Variants in ARHGEF3 observed in about 807,000 individuals in gnomAD.
ARHGEF3 encodes the protein Rho guanine nucleotide exchange factor 3.
A neutral mutation model predicts 63.2 loss-of-function variants in ARHGEF3; 28 were observed. The observed-to-expected ratio is 0.44, with a 90% CI of 0.33 to 0.61. The LOEUF is 0.61. Ranked by LOEUF, ARHGEF3 falls within the 20% of genes least tolerant of loss-of-function variation. The pLI is 0.03. For missense variants in ARHGEF3, 533 were observed against 659.3 expected (o/e 0.81, Z 2.10); for synonymous variants, 266 against 254.2 (o/e 1.05, Z -0.44).
chr3:56,732,277 C>G lies in ARHGEF3; in HGVS notation c.1189G>C (p.Gly397Arg), dbSNP rs756340237. 3 of 1,614,156 alleles carry G rather than the reference C, an allele frequency of 1.9e-6. No individual in the cohort carries two copies. Among genetic ancestry groups the G allele is most frequent in the East Asian group, 2.2e-5 (1 of 44,862 alleles). ...EDLQDGEVRLGGSLRGAFSNN... is the reference protein window; with the variant it reads ...EDLQDGEVRLRGSLRGAFSNN... ...CTGAATGCCCCTCGCAGGGAGCCAC[C>G]CAGCCTCACTTCTCCATCCTGGAGG... is the stretch of plus-strand genomic sequence containing the variant. Residue 397 changes from glycine (G) to arginine (R), a missense_variant, in exon 9 of 10, where the codon GGT (glycine) becomes CGT (arginine). This residue lies in a region of ARHGEF3 where 151 missense variants were observed against 190.7 expected (regional missense o/e 0.79). Transcript: ENST00000296315.
chr3:56,995,627 G>C lies in ARHGEF3; in HGVS notation c.63-36738C>G, dbSNP rs1171849922. On this transcript the variant is annotated intron_variant, in intron 2 of 12. Coordinates refer to the ARHGEF3 transcript ENST00000338458. ...AAAAGAGAGTAAATTTTCCGAGAGAGAGAGAGAGAGAGAGAGAGAGAGAGA... is the reference window on the plus strand; with the variant it reads ...AAAAGAGAGTAAATTTTCCGAGAGACAGAGAGAGAGAGAGAGAGAGAGAGA... Among the ~76,000 whole-genome samples, 73 of 32,312 alleles carry C rather than the reference G, an allele frequency of 2.3e-3. 1 individual carries two copies. Among genetic ancestry groups the C allele is most frequent in the African/African-American group, 4.9e-3 (69 of 14,034 alleles). The allele number at this position is 32,312 out of a possible 152,430, so 21.2% of individuals were successfully genotyped here. A position where few individuals can be genotyped will look rare whatever the true frequency, so the allele number is the denominator to read the frequency against.
At chr3:57,059,383 T>TA (rs200082180) in intron 1 of ARHGEF3, among the ~76,000 whole-genome samples, 34 of 147,060 alleles carry the variant, frequency 2.3e-4, no homozygotes, top group Non-Finnish European at 2.3e-4. Context: ...GCTGATGAAC[T>TA]AAAAAAAAAA....
intron 2 of ARHGEF3, among the ~76,000 whole-genome samples, chr3:56,966,331 G>T (rs968229933): frequency 2.0e-5 from 3 of 152,242 alleles, no homozygotes; most frequent in Non-Finnish European, 4.4e-5. Context: ...CCCTGGAAGG[G>T]CACAGCCCAA....
chr3:57,055,309 A>T (rs1704873891), intron 1 of ARHGEF3, among the ~76,000 whole-genome samples: 1 of 151,784 alleles, frequency 6.6e-6, no homozygotes, highest in Non-Finnish European at 1.5e-5. Context: ...CTACAGGCGC[A>T]TGCCACCAAG....
chr3:56,729,506 C>G lies in ARHGEF3; in HGVS notation c.1345G>C (p.Glu449Gln), dbSNP rs765197211. The G allele has an allele frequency of 2.5e-6, 4 of 1,614,222 alleles. No homozygotes were observed. Among genetic ancestry groups the G allele is most frequent in the Non-Finnish European group, 3.4e-6 (4 of 1,180,042 alleles). Residue 449 changes from glutamate to glutamine, a missense_variant, in exon 10 of 10, where the codon GAA becomes CAA. This residue lies in a region of ARHGEF3 where 115 missense variants were observed against 103.4 expected (regional missense o/e 1.11). Transcript: ENST00000296315. ...TGCCCGGCAGCACACAAAACTGTTT[C>G]TTTGGCTTGACGAATACAGTTAAGC... ...QWLNCIRQAK[E>Q]TVLCAAGQAG...
chr3:57,036,730 C>T (rs963434258), intron 1 of ARHGEF3, among the ~76,000 whole-genome samples: 2 of 152,178 alleles, frequency 1.3e-5, no homozygotes, highest in South Asian at 2.1e-4. Context: ...AGCCTGTCAT[C>T]GTCCAGGCAC....
chr3:57,077,024 G>A (rs1274421307), intron 1 of ARHGEF3: 1 of 152,250 alleles, frequency 6.6e-6, no homozygotes, highest in Non-Finnish European at 1.5e-5. Flanking sequence ...CTGTACAGGG[G>A]AGACATCTGA....
intron 2 of ARHGEF3, among the ~76,000 whole-genome samples, chr3:56,968,203 TAAAA>T (rs1421529335): frequency 3.1e-4 from 6 of 19,316 alleles, no homozygotes; most frequent in Non-Finnish European, 6.3e-4. Flanking sequence ...ATATAATATA[TAAAA>T]ATATATATTA....
intron 3 of ARHGEF3, among the ~76,000 whole-genome samples, chr3:56,939,188 G>A (rs1466078738): frequency 1.3e-5 from 2 of 152,132 alleles, no homozygotes; most frequent in African/African-American, 4.8e-5. Context: ...CACGCAAGAG[G>A]CTTCAATTCC....
At chr3:56,943,364 C>G (rs186550197) in intron 3 of ARHGEF3, among the ~76,000 whole-genome samples, 184 of 152,294 alleles carry the variant, frequency 1.2e-3, no homozygotes, top group African/African-American at 4.3e-3. Flanking sequence ...AAGGGAACAA[C>G]AAAGCCTGGA....
At chr3:56,837,338 T>C (rs183277945) in intron 4 of ARHGEF3, among the ~76,000 whole-genome samples, 1 of 152,336 alleles carries the variant, frequency 6.6e-6, no homozygotes, top group East Asian at 1.9e-4. Context: ...CGAGTTCATG[T>C]AGGATCAAAC....
At chr3:56,835,727 C>T (rs2039085920) in intron 4 of ARHGEF3, among the ~76,000 whole-genome samples, 1 of 152,116 alleles carries the variant, frequency 6.6e-6, no homozygotes, top group African/African-American at 2.4e-5. Flanking sequence ...CTCTCTCCCC[C>T]TTTTCATACG....
chr3:56,915,496 A>G (rs1415336269), intron 3 of ARHGEF3, among the ~76,000 whole-genome samples: 6 of 152,092 alleles, frequency 3.9e-5, no homozygotes, highest in Non-Finnish European at 8.8e-5. Context: ...CAAATAAAGA[A>G]CAGTTTTGGC....
At chr3:56,996,812 C>T (rs4441628) in intron 2 of ARHGEF3, among the ~76,000 whole-genome samples, 82 of 151,914 alleles carry the variant, frequency 5.4e-4, no homozygotes, top group African/African-American at 1.4e-3. Flanking sequence ...GGCCCGCAGG[C>T]GGGCCCAGTA....
At chr3:57,044,323 G>A (rs1367511069) in intron 1 of ARHGEF3, among the ~76,000 whole-genome samples, 2 of 152,356 alleles carry the variant, frequency 1.3e-5, no homozygotes, top group East Asian at 3.9e-4. Flanking sequence ...GTCCACTTGG[G>A]GGGGTTGGCC....
chr3:56,839,197 C>T (rs1048611853), intron 4 of ARHGEF3, among the ~76,000 whole-genome samples: 1 of 151,884 alleles, frequency 6.6e-6, no homozygotes, highest in African/African-American at 2.4e-5. Flanking sequence ...ACATAATATC[C>T]ATTTACATAA....
At chr3:56,832,977 A>C (rs9817200) in intron 4 of ARHGEF3, among the ~76,000 whole-genome samples, 15,862 of 152,260 alleles carry the variant, frequency 0.1, 989 homozygotes, top group Non-Finnish European at 0.13. Context: ...TTTATGGTTG[A>C]AGAATATTCC....
intron 4 of ARHGEF3, among the ~76,000 whole-genome samples, chr3:56,815,407 T>C (rs1323034666): frequency 6.6e-6 from 1 of 152,226 alleles, no homozygotes; most frequent in African/African-American, 2.4e-5. Flanking sequence ...TATGTACTGA[T>C]GAAAGCACCC....
intron 3 of ARHGEF3, among the ~76,000 whole-genome samples, chr3:56,931,446 T>C (rs1461195590): frequency 6.6e-6 from 1 of 151,808 alleles, no homozygotes; most frequent in Non-Finnish European, 1.5e-5. Flanking sequence ...CATGGTGGCA[T>C]GTGCCTGCAG....
Sources: allele counts gnomAD v4.1 joint callset (sites outside exome capture counted in the v4.1 genomes callset), GRCh38; gene constraint gnomAD v4.1.1; regional missense constraint gnomAD v4.1.1; transcripts MANE v1.5; gene names NCBI Gene and HGNC (gene_info 2026-07-23, HGNC 2026-07-21).